Variants in ZNF638 observed in about 807,000 individuals in gnomAD.
ZNF638 encodes zinc finger protein 638, also known as CTCL tumor antigen se33-1.
A neutral mutation model predicts 195.6 loss-of-function variants in ZNF638; 46 were observed. That is an observed-to-expected ratio of 0.24 (90% CI 0.19 to 0.30). The LOEUF (loss-of-function observed/expected upper bound fraction) is 0.30. Ranked by LOEUF, ZNF638 falls within the 10% of genes least tolerant of loss-of-function variation. The pLI is 1.00. For missense variants in ZNF638, 2,440 were observed against 2,325.3 expected, an observed-to-expected ratio of 1.05 and a Z score of -1.01; for synonymous variants, 845 against 772.0, an observed-to-expected ratio of 1.09 and a Z score of -1.57.
At chr2:71,387,504 C>A (rs1237218814) in intron 10 of ZNF638, among the ~76,000 whole-genome samples, 1 of 152,012 alleles carries the variant, frequency 6.6e-6, no homozygotes, top group Non-Finnish European at 1.5e-5. Flanking sequence ...AATCCCATCT[C>A]TACTAAAAAT....
At chr2:71,383,579 TTTC>T (rs2079573720) in intron 10 of ZNF638, among the ~76,000 whole-genome samples, 2 of 146,476 alleles carry the variant, frequency 1.4e-5, no homozygotes, top group African/African-American at 2.5e-5. Flanking sequence ...TTTTTTTTTT[TTTC>T]TTCTTTTATT....
In ZNF638 at chr2:71,408,173, C is replaced by T; in HGVS notation, c.3187C>T (p.Leu1063=). 6.2e-7 allele frequency: 1 copy of T among 1,613,408 alleles called. No individual in the cohort carries two copies. Residue 1063 remains leucine, a synonymous_variant, in exon 20 of 28, where the codon CTG becomes TTG. Coordinates refer to ENST00000264447, the MANE Select transcript of ZNF638 (RefSeq NM_014497.5). ...PESAQSMYSF[L]KQNPQNIGDH... is the part of the protein sequence containing the mutation. ...ATCTGCTCAGTCAATGTATAGCTTT[C>T]TGAAACAAAATCCACAAAATATTGG...
intron 10 of ZNF638, chr2:71,393,523 A>G (rs1273409797): frequency 1.4e-6 from 1 of 717,970 alleles, no homozygotes; most frequent in Non-Finnish European, 2.6e-6. Context: ...TCCTCAGACG[A>G]CACAAGCCCC....
At chr2:71,388,330 G>A (rs535645006) in intron 10 of ZNF638, 6 of 481,296 alleles carry the variant, frequency 1.2e-5, no homozygotes, top group East Asian at 4.3e-5. Flanking sequence ...TTGATCATCC[G>A]ACCTTTGATC....
intron 10 of ZNF638, among the ~76,000 whole-genome samples, chr2:71,392,839 A>G (rs1284602388): frequency 6.6e-6 from 1 of 152,208 alleles, no homozygotes; most frequent in Non-Finnish European, 1.5e-5. Context: ...CTTATCCATT[A>G]TAGCAACAGA....
chr2:71,403,588 A>G (rs2080048333), intron 16 of ZNF638, among the ~76,000 whole-genome samples: 1 of 152,170 alleles, frequency 6.6e-6, no homozygotes, highest in Admixed American at 6.5e-5. Context: ...AGTTTGAATA[A>G]GATTTTTCTT....
Position 71,380,534 on chromosome 2 carries a change from A to C in ZNF638, c.2346A>C (p.Lys782Asn). The change falls in exon 10 of 28, where the codon AAA becomes AAC. Residue 782 changes from lysine to asparagine, a missense_variant. Physicochemically the swap from Lys to Asn is moderately conservative, Grantham distance 94. Around this residue, in one of 5 missense-constraint regions of ZNF638, gnomAD observed 1,883 missense variants for 1,739.1 expected, o/e 1.08. Coordinates refer to ENST00000264447, the MANE Select transcript of ZNF638 (RefSeq NM_014497.5). The stretch of plus-strand genomic sequence containing the variant: ...ATAGAAGAGATGCAGATGCTTCAAA[A>C]GCTGTTGAAATTGTTACTTCAACTT... ...STLKRDADAS[K>N]AVEIVTSTSA... 4.4e-6 allele frequency: 7 copies of C among 1,605,674 alleles called. No homozygotes were observed. Among genetic ancestry groups the C allele is most frequent in the Non-Finnish European group, 5.9e-6 (7 of 1,176,918 alleles).
In ZNF638 at chr2:71,428,020, C is replaced by T. The variant is rs143695710; in HGVS notation, c.5546-527C>T. On this transcript the variant is annotated intron_variant, in intron 24 of 27. Transcript: ENST00000264447. ...CAGTCTGGGCAGCCTAGCAAGACTC[C>T]GTCTCTACAAAAAATTAAAAAATGA... is the stretch of plus-strand genomic sequence containing the variant. 1.7e-3 allele frequency among the ~76,000 whole-genome samples: 256 copies of T among 152,008 alleles called. 1 individual carries two copies. The highest frequency in any genetic ancestry group is 3.4e-3 in the Middle Eastern group (1 of 294).
chr2:71,388,476 A>T (rs760544464), intron 10 of ZNF638: 17 of 693,844 alleles, frequency 2.5e-5, no homozygotes, highest in African/African-American at 3.5e-5. Context: ...GGCCTTTGTC[A>T]TTAAATCTGT....
rs147572028 is a variant in ZNF638, at chr2:71,423,913, G to C, written c.4399G>C (p.Gly1467Arg). 7.7e-4 allele frequency: 1,242 copies of C among 1,614,024 alleles called. 2 individuals are homozygous for C. The highest frequency in any genetic ancestry group is 9.8e-4 in the Non-Finnish European group (1,161 of 1,180,006). The change falls in exon 22 of 28, where the codon GGC becomes CGC. Residue 1467 changes from glycine (G) to arginine (R), a missense_variant. Gly to Arg is a moderately radical substitution (Grantham distance 125, BLOSUM62 -2). This residue lies in a region of ZNF638 where 1,883 missense variants were observed against 1,739.1 expected (regional missense o/e 1.08). Transcript: ENST00000264447. ...TACTCAGAGCAGTCTTACCAGAGGA[G>C]GCAGTGGAAGGATCTCAGCCCTGCA... is the stretch of plus-strand genomic sequence containing the variant. The part of the protein sequence containing the change: ...KPTQSSLTRG[G>R]SGRISALQGK...
In ZNF638 at chr2:71,370,157, A is replaced by G. The variant is rs147829854; in HGVS notation, c.2265+152A>G. 9.7e-4 allele frequency: 841 copies of G among 871,316 alleles called. 4 individuals are homozygous for G. The African/African-American group carries it at 0.013, about 13-fold the overall frequency. The allele number at this position is 871,316 out of a possible 1,614,324, so 54.0% of individuals were successfully genotyped here. On this transcript the variant is annotated intron_variant, in intron 8 of 27. Transcript: ENST00000264447. ...ATTAATTCAAGTATGTTGAAATTAA[A>G]ACTTCCTCATACATGTATGGTGCTA...
chr2:71,339,150 G>GTTTTTT (rs35822775), intron 1 of ZNF638, among the ~76,000 whole-genome samples: 1 of 130,162 alleles, frequency 7.7e-6, no homozygotes, highest in Non-Finnish European at 1.6e-5. Flanking sequence ...GTCGGTTTAG[G>GTTTTTT]TTTTTTTTTT....
At chr2:71,386,682 CT>C (rs2104378489) in intron 10 of ZNF638, among the ~76,000 whole-genome samples, 1 of 152,050 alleles carries the variant, frequency 6.6e-6, no homozygotes, top group Non-Finnish European at 1.5e-5. Flanking sequence ...TGTTTAATTG[CT>C]TTTTAAAGAA....
intron 16 of ZNF638, among the ~76,000 whole-genome samples, chr2:71,402,326 T>C (rs1396371447): frequency 6.6e-6 from 1 of 152,150 alleles, no homozygotes; most frequent in Non-Finnish European, 1.5e-5. Context: ...ACTCAAAATT[T>C]TAGTTTAATA....
chr2:71,370,286 T>G (rs2079285847), intron 8 of ZNF638, among the ~76,000 whole-genome samples: 1 of 152,150 alleles, frequency 6.6e-6, no homozygotes, highest in Non-Finnish European at 1.5e-5. Context: ...AAAGAGAACA[T>G]TTGACAGTAT....
chr2:71,400,729 A>C (rs2079989788), intron 15 of ZNF638, among the ~76,000 whole-genome samples: 1 of 152,024 alleles, frequency 6.6e-6, no homozygotes, highest in Admixed American at 6.5e-5. Flanking sequence ...AGTCACAAAA[A>C]GTAGGAACAG....
At chr2:71,347,240 A>AGATT (rs1430260273) in intron 1 of ZNF638, among the ~76,000 whole-genome samples, 1 of 152,188 alleles carries the variant, frequency 6.6e-6, no homozygotes, top group Non-Finnish European at 1.5e-5. Context: ...GAGATTGGTT[A>AGATT]GATTGGTTGG....
chr2:71,353,157 T>C (rs1317767765), intron 2 of ZNF638, among the ~76,000 whole-genome samples: 1 of 152,220 alleles, frequency 6.6e-6, no homozygotes, highest in Non-Finnish European at 1.5e-5. Context: ...CTTTTTCCTA[T>C]TGAGTAAATC....
At chr2:71,354,067 G>A (rs2078984327) in intron 2 of ZNF638, among the ~76,000 whole-genome samples, 1 of 152,176 alleles carries the variant, frequency 6.6e-6, no homozygotes, top group South Asian at 2.1e-4. Flanking sequence ...GCAAATCAGT[G>A]TACCTTCTTT....
Sources: allele counts gnomAD v4.1 joint callset (sites outside exome capture counted in the v4.1 genomes callset), GRCh38; gene constraint gnomAD v4.1.1; regional missense constraint gnomAD v4.1.1; transcripts MANE v1.5; gene names NCBI Gene and HGNC (gene_info 2026-07-23, HGNC 2026-07-21).